CNTN2: variants seen among roughly 807,000 people sequenced by gnomAD.
CNTN2 encodes contactin-2.
CNTN2 carries 53 observed loss-of-function variants against 117.5 expected under a neutral mutation model. That is an observed-to-expected ratio of 0.45 (90% CI 0.36 to 0.57). The LOEUF (loss-of-function observed/expected upper bound fraction) is 0.57. Among genes scored for constraint, CNTN2 ranks in the 20% least tolerant of loss-of-function variants. The pLI is 0.00. For synonymous variants in CNTN2, 530 were observed against 561.7 expected, an observed-to-expected ratio of 0.94 and a Z score of 0.80; for missense variants, 1,106 against 1,404.3, an observed-to-expected ratio of 0.79 and a Z score of 3.39.
At position 205,073,464 on chromosome 1, in the gene CNTN2, G is replaced by A. The variant is rs1178181480; in HGVS notation, c.3014-192G>A. 8.3e-6 allele frequency: 6 copies of A among 726,382 alleles called. No homozygotes were observed. Among genetic ancestry groups the A allele is most frequent in the Admixed American group, 7.8e-5 (3 of 38,680 alleles). 45.0% of individuals were successfully genotyped at this position (726,382 alleles called of 1,614,324 possible). On this transcript the variant is annotated intron_variant, in intron 22 of 22. Transcript: ENST00000331830. The surrounding 1 kb of genome is among the most constrained non-coding windows in gnomAD (Gnocchi z 6.3). Reference sequence around the variant, plus strand: ...GGAAGGGCGCAGGGTGCAGGGGGAGGCTGAGGACCAACCAGCAATAGCAAA... The same window carrying A: ...GGAAGGGCGCAGGGTGCAGGGGGAGACTGAGGACCAACCAGCAATAGCAAA...
At chr1:205,049,281 GACACACACACACACACACAC>G (rs3835569) in intron 1 of CNTN2, among the ~76,000 whole-genome samples, 102 of 120,734 alleles carry the variant, frequency 8.4e-4, no homozygotes, top group Non-Finnish European at 1.4e-3. Flanking sequence ...CCTCACACCC[GACACACACACACACACACAC>G]ACACACACAC....
chr1:205,069,961 C>T lies in CNTN2; in HGVS notation c.2331C>T (p.Ser777=). The T allele has an allele frequency of 2.5e-6, 4 of 1,613,776 alleles. No individual in the cohort carries two copies. Among genetic ancestry groups the T allele is most frequent in the Non-Finnish European group, 3.4e-6 (4 of 1,180,032 alleles). ...DAQYFVYSNE[S]VRPYTPFEVK... is the part of the protein sequence containing the mutation. ...AGTACTTTGTCTACAGCAACGAGAG[C>T]GTCCGGCCCTACACGCCCTTTGAGG... Residue 777 remains serine, a synonymous_variant, in exon 18 of 23, where the codon AGC becomes AGT. Transcript: ENST00000331830.
intron 19 of CNTN2, 185 bp downstream of exon 19, chr1:205,070,723 G>A (rs1322086190): frequency 1.8e-5 from 9 of 504,310 alleles, no homozygotes; most frequent in South Asian, 4.3e-5. Flanking sequence ...CAGGCCAGGC[G>A]CGGTGGCTCA....
At position 205,065,750 on chromosome 1, in the gene CNTN2, G is replaced by A. The variant is rs181095916; in HGVS notation, c.1696-39G>A. 3.8e-5 allele frequency: 61 copies of A among 1,613,680 alleles called. No individual in the cohort carries two copies. Among genetic ancestry groups the A allele is most frequent in the African/African-American group, 2.0e-4 (15 of 75,040 alleles). On this transcript the variant is annotated intron_variant, in intron 13 of 22. Transcript: ENST00000331830. The surrounding 1 kb of genome is among the most constrained non-coding windows in gnomAD (Gnocchi z 4.1). ...TGGCCTGCTGCACTGGTCAGGGCCG[G>A]TGGTCTGACCTGCTGCCCCTAACTG...
chr1:205,056,672 G>A (rs1025226360), intron 2 of CNTN2, among the ~76,000 whole-genome samples: 2 of 152,182 alleles, frequency 1.3e-5, no homozygotes, highest in African/African-American at 4.8e-5. Flanking sequence ...AATCAGCTGC[G>A]TTAAGAGGTA....
chr1:205,065,989 C>T lies in CNTN2; in HGVS notation c.1816+80C>T. 1.3e-6 allele frequency: 2 copies of T among 1,487,814 alleles called. No individual in the cohort carries two copies. The highest frequency in any genetic ancestry group is 1.8e-6 in the Non-Finnish European group (2 of 1,109,272). 92.2% of individuals were successfully genotyped at this position (1,487,814 alleles called of 1,614,324 possible). On this transcript the variant is annotated intron_variant, in intron 14 of 22. Coordinates refer to ENST00000331830, the MANE Select transcript of CNTN2 (RefSeq NM_005076.5). This position sits in a 1 kb window ranked among gnomAD's most constrained non-coding sequence, Gnocchi z 4.1. ...CTGTTCTGACCTGCTCGCCTCATCT[C>T]CCCTCCCTTCCCTCAAAGCTGCGGG...
At position 205,074,440 on chromosome 1, in the gene CNTN2, G is replaced by A; in HGVS notation, c.*675G>A. ...TTTGGGGTGGGAGCCAAAAAGAGTT[G>A]AGAGGCCAGGGCCCTTGGTGGAAAG... On this transcript the variant is annotated 3_prime_UTR_variant, in exon 23 of 23. Transcript: ENST00000331830. 3 of 399,092 alleles carry A rather than the reference G, an allele frequency of 7.5e-6. No homozygotes were observed. The highest frequency in any genetic ancestry group is 1.3e-5 in the Non-Finnish European group (3 of 226,456). The allele number at this position is 399,092 out of a possible 1,614,324, so 24.7% of individuals were successfully genotyped here. A position where few individuals can be genotyped will look rare whatever the true frequency, so the allele number is the denominator to read the frequency against.
chr1:205,049,607 C>T (rs1421894058), intron 1 of CNTN2, among the ~76,000 whole-genome samples: 3 of 152,146 alleles, frequency 2.0e-5, no homozygotes, highest in Non-Finnish European at 4.4e-5. Flanking sequence ...CTCTGCCTTG[C>T]TCTGGCACAT....
chr1:205,065,290 C>T lies in CNTN2; in HGVS notation c.1695+28C>T. The T allele has an allele frequency of 6.2e-7, 1 of 1,611,900 alleles. No homozygotes were observed. The highest frequency in any genetic ancestry group is 8.5e-7 in the Non-Finnish European group (1 of 1,178,542). Reference sequence around the variant, plus strand: ...GAGACCTAGGGCCAGAGCCCCATGGCTTCTCCCTCCTTCTAGAGAGACAGG... The same window carrying T: ...GAGACCTAGGGCCAGAGCCCCATGGTTTCTCCCTCCTTCTAGAGAGACAGG... On this transcript the variant is annotated intron_variant, in intron 13 of 22. Coordinates refer to ENST00000331830, the MANE Select transcript of CNTN2 (RefSeq NM_005076.5). The surrounding 1 kb of genome is among the most constrained non-coding windows in gnomAD (Gnocchi z 4.1).
In CNTN2 at chr1:205,073,741, C is replaced by T. The variant is rs368955126; in HGVS notation, c.3099C>T (p.Ile1033=). The T allele has an allele frequency of 2.5e-6, 4 of 1,613,908 alleles. No individual in the cohort carries two copies. The highest frequency in any genetic ancestry group is 3.4e-6 in the Non-Finnish European group (4 of 1,180,012). The change falls in exon 23 of 23, where the codon ATC becomes ATT. Residue 1033 remains isoleucine (I), a synonymous_variant. Coordinates refer to ENST00000331830, the MANE Select transcript of CNTN2 (RefSeq NM_005076.5). The surrounding 1 kb of genome is among the most constrained non-coding windows in gnomAD (Gnocchi z 6.3). ...TVISHSVAML[I]LIGSLEL ...TTTCCCACTCCGTGGCGATGCTGAT[C>T]CTCATAGGCTCCCTGGAGCTCTGAT... is the stretch of plus-strand genomic sequence containing the variant.
At chr1:205,050,382 T>A (rs1007455934) in intron 1 of CNTN2, among the ~76,000 whole-genome samples, 2 of 151,956 alleles carry the variant, frequency 1.3e-5, no homozygotes, top group African/African-American at 4.8e-5. Context: ...GTCAACCCTA[T>A]CAAGTATATA....
intron 2 of CNTN2, among the ~76,000 whole-genome samples, chr1:205,056,372 G>A (rs1411932407): frequency 6.6e-6 from 1 of 152,222 alleles, no homozygotes; most frequent in Admixed American, 6.5e-5. Context: ...TTCCAGCCGA[G>A]ATGATGCCGT....
chr1:205,064,895 C>A, intron 12 of CNTN2, 145 bp downstream of exon 12: 1 of 1,321,564 alleles, frequency 7.6e-7, no homozygotes, highest in Non-Finnish European at 1.0e-6. Context: ...CACCCCCTGG[C>A]CACCACTGAG....
rs1421589601 is a variant in CNTN2, at chr1:205,058,514, G to A, written c.392-54G>A. The A allele has an allele frequency of 1.9e-6, 3 of 1,589,124 alleles. No individual in the cohort carries two copies. The highest frequency in any genetic ancestry group is 2.6e-6 in the Non-Finnish European group (3 of 1,159,512). On this transcript the variant is annotated intron_variant, in intron 4 of 22. Transcript: ENST00000331830. This position sits in a 1 kb window ranked among gnomAD's most constrained non-coding sequence, Gnocchi z 4.3. ...GCTTCTCCGTGAAGGATGAGTCGGG[G>A]AGGGGCTCGCAGGCCAGGAGGACAG...
chr1:205,053,035 G>A, intron 1 of CNTN2, 65 bp from the exon 2 acceptor site: 3 of 497,030 alleles, frequency 6.0e-6, no homozygotes, highest in Non-Finnish European at 1.1e-5. Context: ...TACGGACCCA[G>A]ATGTGCCTGG....
Position 205,061,633 on chromosome 1 carries a change from G to A in CNTN2, c.973+213G>A. 5 of 758,598 alleles carry A rather than the reference G, an allele frequency of 6.6e-6. No individual in the cohort carries two copies. The highest frequency in any genetic ancestry group is 3.2e-5 in the Admixed American group (1 of 31,314). The allele number at this position is 758,598 out of a possible 1,614,324, so 47.0% of individuals were successfully genotyped here. A position where few individuals can be genotyped will look rare whatever the true frequency, so the allele number is the denominator to read the frequency against. ...AGTCAGGGGTGCAGAAAGCACACAG[G>A]AGGCTCCAGAATGATTTAAGTTGCA... is the stretch of plus-strand genomic sequence containing the variant. On this transcript the variant is annotated intron_variant, in intron 8 of 22. Coordinates refer to ENST00000331830, the MANE Select transcript of CNTN2 (RefSeq NM_005076.5). The surrounding 1 kb of genome is among the most constrained non-coding windows in gnomAD (Gnocchi z 4.8).
chr1:205,052,039 T>A (rs990933925), intron 1 of CNTN2, among the ~76,000 whole-genome samples: 3 of 152,148 alleles, frequency 2.0e-5, no homozygotes, highest in African/African-American at 7.2e-5. Context: ...AGGCAGTTGG[T>A]GAAAGGGCCC....
chr1:205,065,263 G>C lies in CNTN2; in HGVS notation c.1695+1G>C. 2 of 1,614,050 alleles carry C rather than the reference G, an allele frequency of 1.2e-6. No individual in the cohort carries two copies. The highest frequency in any genetic ancestry group is 1.7e-6 in the Non-Finnish European group (2 of 1,179,998). ...AGGGCACTACCGGAGAACTAATGTG[G>C]TGAGACCTAGGGCCAGAGCCCCATG... On this transcript the variant is annotated splice_donor_variant, in intron 13 of 22. Coordinates refer to ENST00000331830, the MANE Select transcript of CNTN2 (RefSeq NM_005076.5). LOFTEE classifies it high-confidence loss of function. This position sits in a 1 kb window ranked among gnomAD's most constrained non-coding sequence, Gnocchi z 4.1.
At chr1:205,071,638 G>A (rs1654597530) in intron 19 of CNTN2, among the ~76,000 whole-genome samples, 1 of 152,132 alleles carries the variant, frequency 6.6e-6, no homozygotes, top group Non-Finnish European at 1.5e-5. Flanking sequence ...GAATGCCCAC[G>A]GTAGCCCCCC....
Sources: allele counts gnomAD v4.1 joint callset (sites outside exome capture counted in the v4.1 genomes callset), GRCh38; gene constraint gnomAD v4.1.1; non-coding constraint Gnocchi (gnomAD v3.1); transcripts MANE v1.5; gene names NCBI Gene and HGNC (gene_info 2026-07-23, HGNC 2026-07-21).